Variants in LAMA2 observed in about 807,000 individuals in gnomAD.
LAMA2 encodes the protein laminin subunit alpha 2.
In LAMA2, 269 loss-of-function variants were observed where a neutral mutation model predicts 364.8. The observed-to-expected ratio is 0.74, with a 90% CI of 0.67 to 0.82. The LOEUF is 0.82. Among genes scored for constraint, LAMA2 ranks in the 40% least tolerant of loss-of-function variants. LAMA2 has a pLI of 0.00. For synonymous variants in LAMA2, 1,379 were observed against 1,370.6 expected, an observed-to-expected ratio of 1.01 and a Z score of -0.14; for missense variants, 3,807 against 3,873.2, an observed-to-expected ratio of 0.98 and a Z score of 0.45.
intron 1 of LAMA2, among the ~76,000 whole-genome samples, chr6:128,908,316 T>C (rs1777639842): frequency 6.6e-6 from 1 of 152,050 alleles, no homozygotes; most frequent in Non-Finnish European, 1.5e-5. Flanking sequence ...TTTCAGATCC[T>C]GTTATTTGTC....
chr6:129,325,716 T>C (rs1232963901), intron 28 of LAMA2, among the ~76,000 whole-genome samples: 2 of 152,148 alleles, frequency 1.3e-5, no homozygotes, highest in Non-Finnish European at 2.9e-5. Context: ...ACCTACTCAT[T>C]TGTGGGATGA....
At chr6:129,340,464 T>A (rs1776197387) in intron 29 of LAMA2, among the ~76,000 whole-genome samples, 2 of 151,754 alleles carry the variant, frequency 1.3e-5, no homozygotes, top group Admixed American at 1.3e-4. Flanking sequence ...GTCAAAGGGA[T>A]GGAAAATAAT....
At chr6:129,321,411 A>T (rs1394577989) in intron 28 of LAMA2, among the ~76,000 whole-genome samples, 1 of 152,186 alleles carries the variant, frequency 6.6e-6, no homozygotes, top group East Asian at 1.9e-4. Flanking sequence ...GTAAACACCA[A>T]GTCCCTGAGT....
intron 29 of LAMA2, among the ~76,000 whole-genome samples, chr6:129,330,580 T>G (rs528217573): frequency 6.3e-5 from 9 of 143,850 alleles, no homozygotes; most frequent in African/African-American, 2.3e-4. Flanking sequence ...AGCGTTTTTT[T>G]GTTGTTGTTT....
intron 28 of LAMA2, among the ~76,000 whole-genome samples, chr6:129,326,744 A>T (rs919813283): frequency 7.7e-6 from 1 of 129,722 alleles, no homozygotes; most frequent in Non-Finnish European, 1.7e-5. Flanking sequence ...TTTATATATT[A>T]TATATATAAT....
chr6:129,370,282 T>C (rs1354468912), intron 34 of LAMA2, among the ~76,000 whole-genome samples: 1 of 152,242 alleles, frequency 6.6e-6, no homozygotes, highest in African/African-American at 2.4e-5. Flanking sequence ...TCTGTTCTGA[T>C]TTCCAAAAGC....
At chr6:129,449,912 C>A (rs1383462391) in intron 45 of LAMA2, among the ~76,000 whole-genome samples, 1 of 151,196 alleles carries the variant, frequency 6.6e-6, no homozygotes, top group Non-Finnish European at 1.5e-5. Flanking sequence ...AAGCAATTCT[C>A]CTGCCTCAGC....
chr6:129,322,451 A>G (rs1285970252), intron 28 of LAMA2, among the ~76,000 whole-genome samples: 2 of 152,160 alleles, frequency 1.3e-5, no homozygotes, highest in Non-Finnish European at 2.9e-5. Context: ...TTTCTAGACA[A>G]GAGATGGAAT....
At chr6:129,486,388 G>A (rs567785995) in intron 55 of LAMA2, 86 bp from the exon 56 acceptor site, 13 of 1,325,240 alleles carry the variant, frequency 9.8e-6, no homozygotes, top group Middle Eastern at 1.8e-4. Flanking sequence ...CAGAGCAGAC[G>A]AACCTGTGGT....
At chr6:129,142,568 A>G (rs577495213) in intron 4 of LAMA2, among the ~76,000 whole-genome samples, 25 of 152,182 alleles carry the variant, frequency 1.6e-4, no homozygotes, top group African/African-American at 5.8e-4. Flanking sequence ...AGCCATATTC[A>G]GTTCACCTGT....
At chr6:129,247,726 G>T (rs1266798421) in intron 12 of LAMA2, among the ~76,000 whole-genome samples, 1 of 152,066 alleles carries the variant, frequency 6.6e-6, no homozygotes, top group Admixed American at 6.6e-5. Context: ...TGGCAAACAT[G>T]AGTATCAGAG....
In LAMA2 at chr6:129,080,035, T is replaced by C. The variant is rs561298134; in HGVS notation, c.397-18138T>C. Among the ~76,000 whole-genome samples the C allele has an allele frequency of 1.4e-3, 213 of 152,260 alleles. 1 individual carries two copies. Among genetic ancestry groups the C allele is most frequent in the African/African-American group, 4.7e-3 (197 of 41,582 alleles). ...TTATAATTTAAATGTAACATATGAA[T>C]ACTTGTGTCTGGAATTACAATAGAC... On this transcript the variant is annotated intron_variant, in intron 3 of 64. Coordinates refer to ENST00000421865, the MANE Select transcript of LAMA2 (RefSeq NM_000426.4).
intron 3 of LAMA2, among the ~76,000 whole-genome samples, chr6:129,091,928 G>T (rs997407280): frequency 6.6e-6 from 1 of 152,206 alleles, no homozygotes; most frequent in Non-Finnish European, 1.5e-5. Flanking sequence ...AGATGAGAGT[G>T]AACAATTTTC....
intron 28 of LAMA2, 42 bp from the exon 29 acceptor site, chr6:129,328,236 A>AT (rs778994132): frequency 3.9e-6 from 6 of 1,556,336 alleles, no homozygotes; most frequent in Non-Finnish European, 5.3e-6. Context: ...CTAATGCAGT[A>AT]TTTCTAACTT....
intron 1 of LAMA2, among the ~76,000 whole-genome samples, chr6:129,029,498 T>C (rs1434774380): frequency 6.6e-6 from 1 of 152,020 alleles, no homozygotes; most frequent in Non-Finnish European, 1.5e-5. Flanking sequence ...ATCTTACTTA[T>C]AGTCAGATTG....
At chr6:129,312,229 A>G (rs887100079) in intron 22 of LAMA2, among the ~76,000 whole-genome samples, 2 of 152,218 alleles carry the variant, frequency 1.3e-5, no homozygotes, top group Non-Finnish European at 2.9e-5. Flanking sequence ...AAAATCGTGT[A>G]TACATCTTGG....
In LAMA2 at chr6:129,004,425, AAAAAAG is replaced by A. The variant is rs74995724; in HGVS notation, c.113-45490_113-45485del. Among the ~76,000 whole-genome samples the A allele has an allele frequency of 9.9e-5, 15 of 150,846 alleles. No homozygotes were observed. In the East Asian group the frequency reaches 1.4e-3, roughly 14 times the overall value. The stretch of plus-strand genomic sequence containing the variant: ...TAATAATAAAAAAAAAAAAAAAAAA[AAAAAAG>A]AAGTATGATGACAAATGGTCATTTT... On this transcript the variant is annotated intron_variant, in intron 1 of 64. Coordinates refer to ENST00000421865, the MANE Select transcript of LAMA2 (RefSeq NM_000426.4).
chr6:128,937,750 TG>T (rs1209428019), intron 1 of LAMA2, among the ~76,000 whole-genome samples: 2 of 152,060 alleles, frequency 1.3e-5, no homozygotes, highest in Non-Finnish European at 2.9e-5. Context: ...TTACTTATAT[TG>T]ATCTTTTCTA....
At chr6:129,027,503 A>G (rs1785907728) in intron 1 of LAMA2, among the ~76,000 whole-genome samples, 1 of 152,014 alleles carries the variant, frequency 6.6e-6, no homozygotes, top group African/African-American at 2.4e-5. Context: ...CATTCTGAAG[A>G]TTCAGAAGAA....
Sources: allele counts gnomAD v4.1 joint callset (sites outside exome capture counted in the v4.1 genomes callset), GRCh38; gene constraint gnomAD v4.1.1; transcripts MANE v1.5; gene names NCBI Gene and HGNC (gene_info 2026-07-23, HGNC 2026-07-21).